Variants in ENTREP2 observed in about 807,000 individuals in gnomAD.
ENTREP2 encodes the protein endosomal transmembrane epsin interactor 2.
the ENTREP2 span, among the ~76,000 whole-genome samples, chr15:29,535,137 C>T: frequency 1.8e-4 from 28 of 152,056 alleles, no homozygotes; most frequent in African/African-American, 6.5e-4. Context: ...GTAGTCCTAG[C>T]TGCTCAGGAG....
At chr15:29,310,610 G>T in the ENTREP2 span, among the ~76,000 whole-genome samples, 2 of 152,214 alleles carry the variant, frequency 1.3e-5, no homozygotes, top group African/African-American at 4.8e-5. Context: ...TCTGAAGGCT[G>T]TCGGGGCAGG....
the ENTREP2 span, among the ~76,000 whole-genome samples, chr15:29,453,097 A>G: frequency 3.3e-5 from 5 of 152,158 alleles, no homozygotes; most frequent in Non-Finnish European, 1.5e-5. Context: ...CTATCACAAT[A>G]AAAAAGGAGA....
At chr15:29,605,980 CCT>C in the ENTREP2 span, among the ~76,000 whole-genome samples, 62 of 152,188 alleles carry the variant, frequency 4.1e-4, no homozygotes, top group African/African-American at 1.4e-3. Context: ...CTACCTAATC[CCT>C]GTCTTCTCCC....
the ENTREP2 span, among the ~76,000 whole-genome samples, chr15:29,436,904 C>G: frequency 1.3e-5 from 2 of 152,210 alleles, no homozygotes; most frequent in Non-Finnish European, 2.9e-5. Context: ...GACAGAATTT[C>G]AAACGGTCAT....
chr15:29,569,554 T>A, the ENTREP2 span: 1 of 152,224 alleles, frequency 6.6e-6, no homozygotes, highest in Non-Finnish European at 1.5e-5. Flanking sequence ...CAAATGCAGT[T>A]ACAGATGTCA....
chr15:29,153,598 T>C, the ENTREP2 span, among the ~76,000 whole-genome samples: 1 of 152,212 alleles, frequency 6.6e-6, no homozygotes, highest in Non-Finnish European at 1.5e-5. Context: ...AATTTCAACA[T>C]ATGAATTTTG....
At chr15:29,410,121 CTTTG>C in the ENTREP2 span, among the ~76,000 whole-genome samples, 1,562 of 152,260 alleles carry the variant, frequency 0.01, 27 homozygotes, top group African/African-American at 0.036. Context: ...AGGCCTGTCT[CTTTG>C]TTTGTATGTT....
chr15:29,640,077 G>T, the ENTREP2 span, among the ~76,000 whole-genome samples: 1 of 152,220 alleles, frequency 6.6e-6, no homozygotes, highest in Middle Eastern at 3.4e-3. Flanking sequence ...CCAGAAGTTG[G>T]TTCTTGTAAA....
chr15:29,265,926 T>C, the ENTREP2 span: 1 of 152,202 alleles, frequency 6.6e-6, no homozygotes, highest in Non-Finnish European at 1.5e-5. Context: ...AAAACATATT[T>C]ACAATTTTAG....
chr15:29,429,357 G>A, the ENTREP2 span, among the ~76,000 whole-genome samples: 3 of 152,152 alleles, frequency 2.0e-5, no homozygotes, highest in Admixed American at 6.5e-5. Context: ...AAGTAGCTGG[G>A]ACCACAGGCA....
At chr15:29,564,575 T>C in the ENTREP2 span, among the ~76,000 whole-genome samples, 1 of 152,220 alleles carries the variant, frequency 6.6e-6, no homozygotes, top group Non-Finnish European at 1.5e-5. Context: ...ACACAGTTAG[T>C]TGCTCTCACC....
At chr15:29,601,505 C>T in the ENTREP2 span, among the ~76,000 whole-genome samples, 1 of 150,298 alleles carries the variant, frequency 6.7e-6, no homozygotes, top group African/African-American at 2.5e-5. Flanking sequence ...CCTTTTCCCT[C>T]ATTTATGTCT....
chr15:29,267,163 A>G, the ENTREP2 span: 3 of 152,234 alleles, frequency 2.0e-5, no homozygotes, highest in African/African-American at 4.8e-5. Flanking sequence ...ACATTCCTCC[A>G]TACTCACTAT....
At chr15:29,224,379 T>G in the ENTREP2 span, among the ~76,000 whole-genome samples, 1 of 152,070 alleles carries the variant, frequency 6.6e-6, no homozygotes, top group African/African-American at 2.4e-5. Context: ...TCCACACTTG[T>G]GGAAGGGAAC....
At chr15:29,368,813 C>T in the ENTREP2 span, among the ~76,000 whole-genome samples, 2 of 151,722 alleles carry the variant, frequency 1.3e-5, no homozygotes, top group African/African-American at 4.8e-5. Flanking sequence ...CCCAAAAGTT[C>T]AAAGCTGCAG....
chr15:29,418,363 G>T, the ENTREP2 span, among the ~76,000 whole-genome samples: 960 of 152,102 alleles, frequency 6.3e-3, 7 homozygotes, highest in Middle Eastern at 0.02. Context: ...TCCCTTCCTC[G>T]ACCCAGAAGG....
the ENTREP2 span, among the ~76,000 whole-genome samples, chr15:29,653,333 C>T: frequency 6.6e-6 from 1 of 152,200 alleles, no homozygotes; most frequent in Non-Finnish European, 1.5e-5. Context: ...TTTCTTGCTT[C>T]TGTCTCTAAC....
the ENTREP2 span, among the ~76,000 whole-genome samples, chr15:29,525,762 A>AT: frequency 6.6e-6 from 1 of 152,224 alleles, no homozygotes; most frequent in Non-Finnish European, 1.5e-5. Flanking sequence ...AGATGAAGCC[A>AT]TTTTACAAGG....
At chr15:29,438,313 G>C in the ENTREP2 span, among the ~76,000 whole-genome samples, 2 of 152,208 alleles carry the variant, frequency 1.3e-5, no homozygotes, top group African/African-American at 4.8e-5. Flanking sequence ...GTTAAAGTAT[G>C]TCCTCAGTGG....
Sources: gnomAD v4.1 joint callset for allele counts (sites outside exome capture counted in the v4.1 genomes callset) on GRCh38, gnomAD v4.1.1 for gene constraint, MANE v1.5 for transcripts, NCBI Gene and HGNC (gene_info 2026-07-23, HGNC 2026-07-21) for gene names.